Variants in EMCN observed in about 807,000 individuals in gnomAD.
The protein encoded by EMCN is endomucin.
Under a neutral mutation model 38.4 loss-of-function variants are expected in EMCN, and 37 were observed. The observed-to-expected ratio is 0.96, with a 90% CI of 0.74 to 1.27. The LOEUF is 1.27. Ranked by LOEUF, EMCN falls within the 50% of genes most tolerant of loss-of-function variation. EMCN has a pLI of 0.00. For synonymous variants in EMCN, 95 were observed against 100.8 expected, an observed-to-expected ratio of 0.94 and a Z score of 0.35; for missense variants, 318 against 302.8, an observed-to-expected ratio of 1.05 and a Z score of -0.37.
chr4:100,396,177 A>G lies in EMCN; in HGVS notation c.*2236T>C, dbSNP rs944306869. 1 of 152,242 alleles carries G rather than the reference A, an allele frequency of 6.6e-6. No homozygotes were observed. The highest frequency in any genetic ancestry group is 1.5e-5 in the Non-Finnish European group (1 of 68,038). 9.4% of individuals were successfully genotyped at this position (152,242 alleles called of 1,614,324 possible). A position where few individuals can be genotyped will look rare whatever the true frequency, so the allele number is the denominator to read the frequency against. On this transcript the variant is annotated 3_prime_UTR_variant, in exon 12 of 12. Transcript: ENST00000296420. ...TGCAGACCTTACCTTTGAGATTGAT[A>G]TAAAATGCCGTGGACATCTCTGTAA...
chr4:100,433,742 G>A (rs759196354), intron 5 of EMCN, among the ~76,000 whole-genome samples: 3 of 151,834 alleles, frequency 2.0e-5, no homozygotes, highest in African/African-American at 4.8e-5. Context: ...CACCATGTTG[G>A]CCAGGCTGGT....
intron 10 of EMCN, among the ~76,000 whole-genome samples, chr4:100,412,718 T>C (rs900108351): frequency 6.6e-6 from 1 of 152,202 alleles, no homozygotes; most frequent in Non-Finnish European, 1.5e-5. Context: ...GAAAGCATCT[T>C]CTTGTTATAC....
intron 1 of EMCN, among the ~76,000 whole-genome samples, chr4:100,488,131 T>C (rs1728987481): frequency 1.3e-5 from 2 of 152,220 alleles, no homozygotes; most frequent in Admixed American, 1.3e-4. Flanking sequence ...GCCTCCATTT[T>C]TTCATCTATA....
intron 5 of EMCN, among the ~76,000 whole-genome samples, chr4:100,444,536 G>A (rs1727613742): frequency 6.6e-6 from 1 of 152,098 alleles, no homozygotes; most frequent in Admixed American, 6.6e-5. Context: ...AGGTCCCTGA[G>A]GGTTGGAGCG....
intron 1 of EMCN, among the ~76,000 whole-genome samples, chr4:100,505,721 T>C (rs564182382): frequency 1.5e-4 from 23 of 152,202 alleles, no homozygotes; most frequent in Non-Finnish European, 1.6e-4. Context: ...CTTTCATTCA[T>C]CCTCTCACTC....
chr4:100,485,885 C>T (rs1728928790), intron 1 of EMCN, among the ~76,000 whole-genome samples: 1 of 152,052 alleles, frequency 6.6e-6, no homozygotes, highest in Admixed American at 6.6e-5. Flanking sequence ...TGTTTGCCTT[C>T]CTCCAAAAAT....
chr4:100,431,697 C>T (rs1296430687), intron 5 of EMCN, among the ~76,000 whole-genome samples: 1 of 151,714 alleles, frequency 6.6e-6, no homozygotes, highest in Non-Finnish European at 1.5e-5. Flanking sequence ...CCTCTATTAT[C>T]ACATGAGCCA....
chr4:100,448,814 TCCTTCCTTCCTCCCTCCCTCCCTCCCTC>T (rs1425603762), intron 4 of EMCN, among the ~76,000 whole-genome samples: 2 of 132,522 alleles, frequency 1.5e-5, no homozygotes, highest in Non-Finnish European at 3.4e-5. Context: ...CTTCCTTCCT[TCCTTCCTTCCTCCCTCCCTCCCTCCCTC>T]CCTTCCTTGC....
intron 1 of EMCN, among the ~76,000 whole-genome samples, chr4:100,491,871 T>G (rs2110292760): frequency 6.6e-6 from 1 of 152,304 alleles, no homozygotes. Flanking sequence ...CTGGTTCATC[T>G]AGAATCACAG....
intron 5 of EMCN, among the ~76,000 whole-genome samples, chr4:100,428,969 A>G (rs72919555): frequency 0.046 from 7,019 of 152,204 alleles, 571 homozygotes; most frequent in African/African-American, 0.16. Context: ...AAAATAGCAG[A>G]GACTATGTTA....
chr4:100,456,450 T>C (rs1231068209), intron 4 of EMCN, among the ~76,000 whole-genome samples: 1 of 152,182 alleles, frequency 6.6e-6, no homozygotes, highest in Non-Finnish European at 1.5e-5. Flanking sequence ...TCCTGCCTGA[T>C]ATATGCATTT....
At chr4:100,461,228 T>A (rs947962484) in intron 4 of EMCN, among the ~76,000 whole-genome samples, 1 of 152,192 alleles carries the variant, frequency 6.6e-6, no homozygotes, top group Non-Finnish European at 1.5e-5. Context: ...ACTTCTTGAC[T>A]TTATTTAGTT....
chr4:100,403,846 A>G (rs1726323371), intron 11 of EMCN, among the ~76,000 whole-genome samples: 1 of 152,050 alleles, frequency 6.6e-6, no homozygotes, highest in Non-Finnish European at 1.5e-5. Context: ...ACTTTTGCAT[A>G]TGCTTGTTGG....
chr4:100,432,134 T>A (rs894802489), intron 5 of EMCN, among the ~76,000 whole-genome samples: 1 of 152,134 alleles, frequency 6.6e-6, no homozygotes, highest in African/African-American at 2.4e-5. Flanking sequence ...AAACAGCCCT[T>A]CATCACTTTT....
At chr4:100,453,869 G>GT (rs1727922515) in intron 4 of EMCN, among the ~76,000 whole-genome samples, 2 of 152,090 alleles carry the variant, frequency 1.3e-5, no homozygotes, top group Admixed American at 1.3e-4. Context: ...CATGTCCTTT[G>GT]TAGGGACATG....
intron 4 of EMCN, among the ~76,000 whole-genome samples, chr4:100,448,744 C>T (rs576416735): frequency 3.3e-5 from 5 of 152,100 alleles, no homozygotes; most frequent in East Asian, 3.9e-4. Context: ...TACTCCACCT[C>T]GTGGCTTTGC....
chr4:100,423,469 C>A, intron 5 of EMCN, 65 bp from the exon 6 acceptor site: 2 of 1,105,066 alleles, frequency 1.8e-6, no homozygotes, highest in Non-Finnish European at 2.8e-6. Context: ...GATTTCTTTG[C>A]AGATTCAAAC....
chr4:100,502,281 A>G (rs553098898), intron 1 of EMCN, among the ~76,000 whole-genome samples: 1 of 152,318 alleles, frequency 6.6e-6, no homozygotes, highest in South Asian at 2.1e-4. Context: ...CAAGAAAGAA[A>G]AGGGAAGACA....
At chr4:100,446,201 TTTGTC>T (rs1230439728) in intron 5 of EMCN, 1 of 985,204 alleles carries the variant, frequency 1.0e-6, no homozygotes, top group Non-Finnish European at 1.2e-6. Flanking sequence ...ATGCACTGTT[TTTGTC>T]TTGTTTTGCT....
Sources: allele counts gnomAD v4.1 joint callset (sites outside exome capture counted in the v4.1 genomes callset), GRCh38; gene constraint gnomAD v4.1.1; transcripts MANE v1.5; gene names NCBI Gene and HGNC (gene_info 2026-07-23, HGNC 2026-07-21).